Variants in DENND5B observed in about 807,000 individuals in gnomAD.
DENND5B encodes DENN domain containing 5B, also known as DENN domain-containing protein 5B.
In DENND5B, 34 loss-of-function variants were observed where a neutral mutation model predicts 140.6. The ratio of observed to expected loss-of-function variants is 0.24; its 90% CI spans 0.18 to 0.32. DENND5B has a LOEUF of 0.32. Among genes scored for constraint, DENND5B ranks in the 10% least tolerant of loss-of-function variants. The pLI is 1.00. For missense variants in DENND5B, 1,142 were observed against 1,560.2 expected, an observed-to-expected ratio of 0.73 and a Z score of 4.52; for synonymous variants, 551 against 562.1, an observed-to-expected ratio of 0.98 and a Z score of 0.28.
At chr12:31,440,278 G>T (rs188367640) in intron 7 of DENND5B, among the ~76,000 whole-genome samples, 2 of 151,992 alleles carry the variant, frequency 1.3e-5, no homozygotes, top group East Asian at 3.9e-4. Context: ...TCCAACTCCT[G>T]GCCTCAAGGA....
chr12:31,504,546 T>C (rs999564570), intron 1 of DENND5B, among the ~76,000 whole-genome samples: 2 of 152,140 alleles, frequency 1.3e-5, no homozygotes, highest in African/African-American at 2.4e-5. Context: ...TTATGAACCT[T>C]GGGGGCTGTT....
In DENND5B at chr12:31,523,322, C is replaced by T. The variant is rs150209930; in HGVS notation, c.128-27403G>A. On this transcript the variant is annotated intron_variant, in intron 1 of 20. Transcript: ENST00000389082. ...AAGTGATCCGCCTGCCTTGGCCTTC[C>T]AAAGTGTTGGGATTACAGGTGTGAG... Among the ~76,000 whole-genome samples, 750 of 152,218 alleles carry T rather than the reference C, an allele frequency of 4.9e-3. 5 individuals carry two copies. Among genetic ancestry groups the T allele is most frequent in the African/African-American group, 0.017 (689 of 41,538 alleles).
rs1233021551 is a variant in DENND5B at position 31,425,938 on chromosome 12, G to A, written c.2238+355C>T. 6.6e-5 allele frequency among the ~76,000 whole-genome samples: 10 copies of A among 152,286 alleles called. No individual in the cohort carries two copies. The East Asian group carries it at 1.7e-3, about 26-fold the overall frequency. On this transcript the variant is annotated intron_variant, in intron 9 of 20. Coordinates refer to ENST00000389082, the MANE Select transcript of DENND5B (RefSeq NM_144973.4). ...AAAAACCATGTACAGGCACAAATAA[G>A]GTTGTACACAGGTGCATACACAGAC...
chr12:31,535,987 TC>T (rs35498353), intron 1 of DENND5B, among the ~76,000 whole-genome samples: 98,398 of 151,664 alleles, frequency 0.65, 33,167 homozygotes, highest in East Asian at 0.83. Flanking sequence ...TCGGTACTGT[TC>T]CTCCTGATAG....
chr12:31,492,198 T>G (rs547369876), intron 2 of DENND5B, among the ~76,000 whole-genome samples: 1 of 152,266 alleles, frequency 6.6e-6, no homozygotes, highest in African/African-American at 2.4e-5. Context: ...GGGGGAAACT[T>G]TTGCTGCTTA....
At chr12:31,481,016 T>C (rs1463331460) in intron 2 of DENND5B, among the ~76,000 whole-genome samples, 1 of 152,164 alleles carries the variant, frequency 6.6e-6, no homozygotes, top group Non-Finnish European at 1.5e-5. Context: ...AAAATTAGAA[T>C]TGATTCTTTA....
chr12:31,586,184 G>A (rs138437704), intron 1 of DENND5B, among the ~76,000 whole-genome samples: 9 of 152,262 alleles, frequency 5.9e-5, no homozygotes, highest in African/African-American at 9.6e-5. Flanking sequence ...TATAAAATAA[G>A]ATTTCAAAAT....
intron 12 of DENND5B, among the ~76,000 whole-genome samples, chr12:31,413,855 T>C (rs983736560): frequency 6.6e-6 from 1 of 152,226 alleles, no homozygotes; most frequent in Admixed American, 6.5e-5. Context: ...GACTCATAGA[T>C]ATCTGTAAAT....
At chr12:31,539,132 CT>C (rs1320195572) in intron 1 of DENND5B, among the ~76,000 whole-genome samples, 1 of 151,922 alleles carries the variant, frequency 6.6e-6, no homozygotes, top group Admixed American at 6.6e-5. Flanking sequence ...ATGAGAAAAT[CT>C]AGAGAAAATG....
intron 11 of DENND5B, among the ~76,000 whole-genome samples, chr12:31,417,434 T>C (rs1346167754): frequency 3.3e-5 from 5 of 150,444 alleles, no homozygotes; most frequent in Non-Finnish European, 7.4e-5. Context: ...AAGTTCAGAG[T>C]CCAAACTACA....
At chr12:31,451,509 G>C (rs1385557581) in intron 5 of DENND5B, among the ~76,000 whole-genome samples, 1 of 152,050 alleles carries the variant, frequency 6.6e-6, no homozygotes, top group Non-Finnish European at 1.5e-5. Flanking sequence ...ATTTTTCGTA[G>C]AGACGGGGTT....
chr12:31,439,034 C>T (rs713249), intron 7 of DENND5B, among the ~76,000 whole-genome samples: 2 of 152,328 alleles, frequency 1.3e-5, no homozygotes. Context: ...ATGAGCACTG[C>T]GCTTAAGCAA....
intron 1 of DENND5B, among the ~76,000 whole-genome samples, chr12:31,587,004 T>G (rs1167387834): frequency 6.6e-6 from 1 of 152,132 alleles, no homozygotes; most frequent in East Asian, 1.9e-4. Flanking sequence ...TGATATGACA[T>G]TCTCCTGTTT....
intron 1 of DENND5B, among the ~76,000 whole-genome samples, chr12:31,523,085 G>C (rs1947959320): frequency 6.9e-6 from 1 of 144,258 alleles, no homozygotes; most frequent in African/African-American, 2.6e-5. Context: ...TAAAGAAAAA[G>C]CCTCATTCTG....
chr12:31,428,551 G>A (rs1043646571), intron 8 of DENND5B, among the ~76,000 whole-genome samples: 7 of 150,714 alleles, frequency 4.6e-5, no homozygotes, highest in South Asian at 2.1e-4. Flanking sequence ...ACAGGCACGC[G>A]CCACCATGCC....
intron 1 of DENND5B, among the ~76,000 whole-genome samples, chr12:31,543,742 T>G (rs1487782558): frequency 6.6e-6 from 1 of 152,214 alleles, no homozygotes; most frequent in African/African-American, 2.4e-5. Context: ...AAACACAGAC[T>G]GGAACATGTG....
chr12:31,445,682 G>A lies in DENND5B; in HGVS notation c.1861+1856C>T, dbSNP rs528024724. Among the ~76,000 whole-genome samples the A allele has an allele frequency of 2.8e-5, 4 of 144,784 alleles. No homozygotes were observed. In the East Asian group the frequency reaches 8.6e-4, roughly 31 times the overall value. The allele number at this position is 144,784 out of a possible 152,430, so 95.0% of individuals were successfully genotyped here. A position where few individuals can be genotyped will look rare whatever the true frequency, so the allele number is the denominator to read the frequency against. On this transcript the variant is annotated intron_variant, in intron 6 of 20. Coordinates refer to ENST00000389082, the MANE Select transcript of DENND5B (RefSeq NM_144973.4). ...ATGGCACCACTGCACTCCAGCCTGA[G>A]TGACAGCGAGATTCTGTTTCAAAAA...
At chr12:31,409,224 C>T in intron 14 of DENND5B, 39 bp downstream of exon 14, 2 of 1,515,654 alleles carry the variant, frequency 1.3e-6, no homozygotes, top group Non-Finnish European at 1.8e-6. Context: ...TTGCATTGGT[C>T]ACCTCAGTAA....
intron 3 of DENND5B, among the ~76,000 whole-genome samples, chr12:31,462,902 T>C (rs1480977404): frequency 6.6e-6 from 1 of 151,870 alleles, no homozygotes; most frequent in Non-Finnish European, 1.5e-5. Flanking sequence ...GAGGTTGCAG[T>C]GAGCCGGGAT....
Sources: gnomAD v4.1 joint callset for allele counts (sites outside exome capture counted in the v4.1 genomes callset) on GRCh38, gnomAD v4.1.1 for gene constraint, MANE v1.5 for transcripts, NCBI Gene and HGNC (gene_info 2026-07-23, HGNC 2026-07-21) for gene names.